CRACDL: variants seen among roughly 807,000 people sequenced by gnomAD.
CRACDL encodes CRACD-like protein.
Under a neutral mutation model 70.6 loss-of-function variants are expected in CRACDL, and 26 were observed. That is an observed-to-expected ratio of 0.37 (90% CI 0.27 to 0.51). The LOEUF (loss-of-function observed/expected upper bound fraction) is 0.51. Ranked by LOEUF, CRACDL falls within the 20% of genes least tolerant of loss-of-function variation. The pLI is 0.94. For missense variants in CRACDL, 1,283 were observed against 1,376.9 expected (o/e 0.93, Z 1.08); for synonymous variants, 618 against 615.2 (o/e 1.00, Z -0.07).
intron 1 of CRACDL, among the ~76,000 whole-genome samples, chr2:98,891,366 G>A (rs13006252): frequency 2.0e-5 from 1 of 49,554 alleles, no homozygotes; most frequent in Non-Finnish European, 3.4e-5. Context: ...GACAGAGGGA[G>A]ACTCCGTCTC....
At chr2:98,862,932 TTA>T (rs907142786) in intron 1 of CRACDL, among the ~76,000 whole-genome samples, 3 of 152,146 alleles carry the variant, frequency 2.0e-5, no homozygotes, top group African/African-American at 7.2e-5. Context: ...ATTTCTACAT[TTA>T]TATGTTTATA....
rs200815033 is a variant in CRACDL, at chr2:98,917,236, C to G, written c.-11+18702G>C. Among the ~76,000 whole-genome samples the G allele has an allele frequency of 6.6e-5, 10 of 152,346 alleles. No individual in the cohort carries two copies. The East Asian group carries it at 1.7e-3, about 26-fold the overall frequency. On this transcript the variant is annotated intron_variant, in intron 1 of 9. Coordinates refer to ENST00000397899, the MANE Select transcript of CRACDL (RefSeq NM_207362.3). ...GACTCATTCCCCATCATTGGATGTT[C>G]AAATTCCTTCCAAATCTGCACCTTT...
intron 1 of CRACDL, among the ~76,000 whole-genome samples, chr2:98,895,437 G>A (rs200614454): frequency 3.3e-5 from 5 of 152,200 alleles, no homozygotes; most frequent in South Asian, 2.1e-4. Context: ...AATACGGTGC[G>A]TGGGAAGGAG....
Position 98,823,869 on chromosome 2 carries a change from T to G in CRACDL, c.736-332A>C, listed in dbSNP as rs1705199923. ...CTGCTATGCTCTGTGCTCCCACACT[T>G]GTTATTTCATTTAATCTTCCATTCA... On this transcript the variant is annotated intron_variant, in intron 6 of 9. Coordinates refer to ENST00000397899, the MANE Select transcript of CRACDL (RefSeq NM_207362.3). The surrounding 1 kb of genome is among the most constrained non-coding windows in gnomAD (Gnocchi z 4.0). Among the ~76,000 whole-genome samples the G allele has an allele frequency of 6.6e-6, 1 of 152,192 alleles. No homozygotes were observed. The highest frequency in any genetic ancestry group is 2.4e-5 in the African/African-American group (1 of 41,456).
At chr2:98,928,142 G>A (rs1307229771) in intron 1 of CRACDL, among the ~76,000 whole-genome samples, 1 of 151,734 alleles carries the variant, frequency 6.6e-6, no homozygotes, top group Non-Finnish European at 1.5e-5. Context: ...CAGAAATGGC[G>A]CCACTGCATT....
At chr2:98,865,298 C>G (rs1707090412) in intron 1 of CRACDL, among the ~76,000 whole-genome samples, 1 of 152,150 alleles carries the variant, frequency 6.6e-6, no homozygotes, top group African/African-American at 2.4e-5. Context: ...CATTCCACTT[C>G]CGCAGGAAGA....
At chr2:98,907,562 A>G (rs986051242) in intron 1 of CRACDL, among the ~76,000 whole-genome samples, 15 of 151,840 alleles carry the variant, frequency 9.9e-5, no homozygotes, top group Non-Finnish European at 2.2e-4. Context: ...AGCTGCCTGC[A>G]CTCTGATCTC....
intron 1 of CRACDL, among the ~76,000 whole-genome samples, chr2:98,919,909 C>A (rs1056036248): frequency 1.3e-5 from 2 of 152,140 alleles, no homozygotes; most frequent in Non-Finnish European, 2.9e-5. Flanking sequence ...TGCACCACCA[C>A]ATCTGGCTAA....
chr2:98,851,991 T>C (rs979217942), intron 1 of CRACDL, among the ~76,000 whole-genome samples: 10 of 152,212 alleles, frequency 6.6e-5, no homozygotes, highest in African/African-American at 2.4e-4. Flanking sequence ...GAGTGATTTA[T>C]GTGTGTAGGG....
chr2:98,866,762 G>A (rs1707164245), intron 1 of CRACDL, among the ~76,000 whole-genome samples: 1 of 151,464 alleles, frequency 6.6e-6, no homozygotes, highest in African/African-American at 2.4e-5. Context: ...CAAAGTGCTG[G>A]GATTACAGGT....
chr2:98,846,245 G>C (rs1706247349), intron 2 of CRACDL, among the ~76,000 whole-genome samples: 1 of 152,150 alleles, frequency 6.6e-6, no homozygotes, highest in South Asian at 2.1e-4. Flanking sequence ...CATGGGCCTA[G>C]AACTCAGCTC....
chr2:98,830,699 C>T (rs1705503542), intron 5 of CRACDL, among the ~76,000 whole-genome samples: 1 of 151,764 alleles, frequency 6.6e-6, no homozygotes, highest in Non-Finnish European at 1.5e-5. Context: ...AATAAAGGAC[C>T]AACCACAGGA....
At chr2:98,901,987 G>A (rs746551953) in intron 1 of CRACDL, among the ~76,000 whole-genome samples, 13 of 152,134 alleles carry the variant, frequency 8.5e-5, no homozygotes, top group Non-Finnish European at 1.6e-4. Flanking sequence ...GACACCAACC[G>A]AGAAAGCGGG....
chr2:98,835,783 C>A (rs925752191), intron 3 of CRACDL, among the ~76,000 whole-genome samples: 1 of 152,148 alleles, frequency 6.6e-6, no homozygotes, highest in East Asian at 1.9e-4. Flanking sequence ...CAAAGAATTT[C>A]AGTTAGCAAG....
At chr2:98,871,986 G>A (rs149396199) in intron 1 of CRACDL, among the ~76,000 whole-genome samples, 6 of 152,258 alleles carry the variant, frequency 3.9e-5, no homozygotes, top group East Asian at 3.9e-4. Context: ...ATATTACACC[G>A]CCATAAAAAA....
At chr2:98,835,262 AG>A (rs1705723245) in intron 3 of CRACDL, among the ~76,000 whole-genome samples, 1 of 152,266 alleles carries the variant, frequency 6.6e-6, no homozygotes, top group South Asian at 2.1e-4. Flanking sequence ...TCCACTGGAA[AG>A]GTTTAGAATC....
chr2:98,794,118 G>C lies in CRACDL; in HGVS notation c.*414C>G, dbSNP rs1703704294. 6.5e-6 allele frequency: 1 copy of C among 154,236 alleles called. No individual in the cohort carries two copies. The highest frequency in any genetic ancestry group is 1.4e-5 in the Non-Finnish European group (1 of 69,232). 9.6% of individuals were successfully genotyped at this position (154,236 alleles called of 1,614,324 possible). A position where few individuals can be genotyped will look rare whatever the true frequency, so the allele number is the denominator to read the frequency against. On this transcript the variant is annotated 3_prime_UTR_variant, in exon 10 of 10. Coordinates refer to ENST00000397899, the MANE Select transcript of CRACDL (RefSeq NM_207362.3). ...GGATCCACAGGCAAGAGAGCGACCAGAGACATGGGCTGATCTCAGCTGGAA... is the reference window on the plus strand; with the variant it reads ...GGATCCACAGGCAAGAGAGCGACCACAGACATGGGCTGATCTCAGCTGGAA...
intron 1 of CRACDL, among the ~76,000 whole-genome samples, chr2:98,900,738 C>T (rs998390519): frequency 1.8e-4 from 27 of 152,108 alleles, no homozygotes; most frequent in African/African-American, 6.5e-4. Flanking sequence ...CTCTCAAGAA[C>T]ACTCAGCACC....
intron 1 of CRACDL, among the ~76,000 whole-genome samples, chr2:98,885,309 T>A (rs1223736845): frequency 6.6e-6 from 1 of 152,226 alleles, no homozygotes; most frequent in African/African-American, 2.4e-5. Context: ...TAGGCTGATT[T>A]AAAGGTCTCT....
Sources: allele counts gnomAD v4.1 joint callset (sites outside exome capture counted in the v4.1 genomes callset), GRCh38; gene constraint gnomAD v4.1.1; non-coding constraint Gnocchi (gnomAD v3.1); transcripts MANE v1.5; gene names NCBI Gene and HGNC (gene_info 2026-07-23, HGNC 2026-07-21).